Variants in RPS6KC1 observed in about 807,000 individuals in gnomAD.
RPS6KC1 encodes ribosomal protein S6 kinase C1, also known as inactive ribosomal protein S6 kinase delta-1.
In RPS6KC1, 54 loss-of-function variants were observed where a neutral mutation model predicts 103.8. The observed-to-expected ratio is 0.52, with a 90% CI of 0.42 to 0.65. RPS6KC1 has a LOEUF of 0.65. Among genes scored for constraint, RPS6KC1 ranks in the 30% least tolerant of loss-of-function variants. The pLI is 0.00. For missense variants in RPS6KC1, 1,151 were observed against 1,253.8 expected, an observed-to-expected ratio of 0.92 and a Z score of 1.24; for synonymous variants, 439 against 438.7, an observed-to-expected ratio of 1.00 and a Z score of -0.01.
At chr1:213,315,111 G>T in the RPS6KC1 span, among the ~76,000 whole-genome samples, 2 of 152,226 alleles carry the variant, frequency 1.3e-5, no homozygotes, top group Admixed American at 6.5e-5. Flanking sequence ...ACAGCAAGCT[G>T]CCTGGGGAAA....
At chr1:213,406,705 C>G in the RPS6KC1 span, among the ~76,000 whole-genome samples, 18 of 152,152 alleles carry the variant, frequency 1.2e-4, no homozygotes, top group African/African-American at 4.3e-4. Flanking sequence ...CACTCTCTAC[C>G]CCTCAAATAC....
At chr1:213,146,720 C>A (rs890439114) in intron 6 of RPS6KC1, among the ~76,000 whole-genome samples, 2 of 151,264 alleles carry the variant, frequency 1.3e-5, no homozygotes, top group Non-Finnish European at 1.5e-5. Flanking sequence ...CCACTGTGCC[C>A]GGCCGTGGGA....
rs17020318 is a variant in RPS6KC1 at position 213,243,632 on chromosome 1, A to G, written c.2911+974A>G. ...AATTGCATTTGAGTTGGTTTTTCTC[A>G]GTCATCAGTGCAGATGGGGCTGTAT... On this transcript the variant is annotated intron_variant, in intron 12 of 14. Transcript: ENST00000366960. Among the ~76,000 whole-genome samples, 414 of 152,312 alleles carry G rather than the reference A, an allele frequency of 2.7e-3. 4 individuals are homozygous for G. The highest frequency in any genetic ancestry group is 9.5e-3 in the African/African-American group (395 of 41,562).
At chr1:213,542,366 C>T in the RPS6KC1 span, among the ~76,000 whole-genome samples, 1 of 152,138 alleles carries the variant, frequency 6.6e-6, no homozygotes. Context: ...GAGCAGAGTC[C>T]CCCTCCCGCT....
At chr1:213,738,475 G>A in the RPS6KC1 span, among the ~76,000 whole-genome samples, 1 of 152,118 alleles carries the variant, frequency 6.6e-6, no homozygotes, top group African/African-American at 2.4e-5. Flanking sequence ...GATGTCCCAT[G>A]AAAAAGGAGG....
chr1:213,167,084 A>G (rs1280918593), intron 6 of RPS6KC1, among the ~76,000 whole-genome samples: 4 of 152,214 alleles, frequency 2.6e-5, no homozygotes, highest in East Asian at 1.9e-4. Flanking sequence ...CCCTTCTTCA[A>G]CTGTGGCCAG....
At chr1:213,588,169 G>A in the RPS6KC1 span, among the ~76,000 whole-genome samples, 60 of 152,114 alleles carry the variant, frequency 3.9e-4, 1 homozygote, top group South Asian at 4.1e-4. Flanking sequence ...TCAACCTCCC[G>A]GGCTCAAGTG....
At chr1:213,590,395 A>C in the RPS6KC1 span, among the ~76,000 whole-genome samples, 519 of 152,292 alleles carry the variant, frequency 3.4e-3, no homozygotes, top group Admixed American at 5.6e-3. Context: ...GAATTTCAAG[A>C]AGGAAAGGTC....
chr1:213,124,370 A>C (rs1300473277), intron 5 of RPS6KC1, among the ~76,000 whole-genome samples: 1 of 152,170 alleles, frequency 6.6e-6, no homozygotes, highest in Non-Finnish European at 1.5e-5. Context: ...ATTATGTCAA[A>C]TGTCAGTGAT....
chr1:213,856,275 G>T, the RPS6KC1 span, among the ~76,000 whole-genome samples: 2 of 152,144 alleles, frequency 1.3e-5, no homozygotes, highest in Non-Finnish European at 2.9e-5. Flanking sequence ...AGAGGAAAAA[G>T]AAAGAAAATA....
At chr1:213,137,951 T>C (rs1255584808) in intron 6 of RPS6KC1, among the ~76,000 whole-genome samples, 3 of 151,066 alleles carry the variant, frequency 2.0e-5, no homozygotes, top group African/African-American at 7.3e-5. Context: ...TATTTACAGA[T>C]AATCCAAAGG....
At chr1:213,600,501 C>A in the RPS6KC1 span, among the ~76,000 whole-genome samples, 1 of 152,160 alleles carries the variant, frequency 6.6e-6, no homozygotes, top group South Asian at 2.1e-4. Context: ...GAGATAGATG[C>A]ACTTGAACTC....
chr1:213,332,480 C>G, the RPS6KC1 span, among the ~76,000 whole-genome samples: 1,919 of 152,370 alleles, frequency 0.013, 41 homozygotes, highest in African/African-American at 0.043. Flanking sequence ...ATATGCTACT[C>G]TGATGGGGAC....
At chr1:213,632,146 A>G in the RPS6KC1 span, among the ~76,000 whole-genome samples, 1 of 152,144 alleles carries the variant, frequency 6.6e-6, no homozygotes, top group African/African-American at 2.4e-5. Flanking sequence ...GCGTTTGTTT[A>G]TTCACTCACC....
the RPS6KC1 span, among the ~76,000 whole-genome samples, chr1:213,503,106 C>T: frequency 6.6e-6 from 1 of 151,800 alleles, no homozygotes; most frequent in Non-Finnish European, 1.5e-5. Flanking sequence ...TCTTACTTCA[C>T]AACCTTTTTT....
chr1:213,623,420 C>T, the RPS6KC1 span, among the ~76,000 whole-genome samples: 1 of 152,090 alleles, frequency 6.6e-6, no homozygotes, highest in Non-Finnish European at 1.5e-5. Flanking sequence ...CCTTACTAGC[C>T]ACAAAACCCT....
chr1:213,200,906 G>A (rs114253871), intron 8 of RPS6KC1, among the ~76,000 whole-genome samples: 5,689 of 152,208 alleles, frequency 0.037, 317 homozygotes, highest in African/African-American at 0.13. Context: ...ACTTACAAGT[G>A]GGAGCTAAAT....
chr1:213,131,748 G>C (rs112189580), intron 6 of RPS6KC1, among the ~76,000 whole-genome samples: 3,379 of 152,214 alleles, frequency 0.022, 121 homozygotes, highest in African/African-American at 0.077. Flanking sequence ...CAGGCCATCT[G>C]TTGGGTTTTT....
the RPS6KC1 span, among the ~76,000 whole-genome samples, chr1:213,521,271 G>A: frequency 6.6e-6 from 1 of 152,136 alleles, no homozygotes; most frequent in Non-Finnish European, 1.5e-5. Context: ...GCATATAAAA[G>A]TTAATGTTTA....
Sources: gnomAD v4.1 joint callset for allele counts (sites outside exome capture counted in the v4.1 genomes callset) on GRCh38, gnomAD v4.1.1 for gene constraint, MANE v1.5 for transcripts, NCBI Gene and HGNC (gene_info 2026-07-23, HGNC 2026-07-21) for gene names.